The following ATP8B4 variants were observed in gnomAD, a reference collection of about 807,000 sequenced individuals.
ATP8B4 encodes the protein probable phospholipid-transporting ATPase IM.
A neutral mutation model predicts 145.6 loss-of-function variants in ATP8B4; 133 were observed. The ratio of observed to expected loss-of-function variants is 0.91; its 90% CI spans 0.79 to 1.05. ATP8B4 has a LOEUF of 1.05. Ranked by LOEUF, ATP8B4 falls within the 50% of genes least tolerant of loss-of-function variation. ATP8B4 has a pLI of 0.00. For synonymous variants in ATP8B4, 507 were observed against 492.9 expected (o/e 1.03, Z -0.38); for missense variants, 1,458 against 1,425.2 (o/e 1.02, Z -0.37).
chr15:50,026,985 C>T (rs1272956520), intron 6 of ATP8B4, among the ~76,000 whole-genome samples: 1 of 152,094 alleles, frequency 6.6e-6, no homozygotes, highest in East Asian at 1.9e-4. Flanking sequence ...ACCTAGTAAT[C>T]CTCTATGGCC....
chr15:50,135,890 A>G (rs1482381396), intron 1 of ATP8B4, among the ~76,000 whole-genome samples: 1 of 152,218 alleles, frequency 6.6e-6, no homozygotes, highest in African/African-American at 2.4e-5. Flanking sequence ...TGGTAAACTC[A>G]TATCTCCCCA....
At position 49,931,154 on chromosome 15, in the gene ATP8B4, T is replaced by C. The variant is rs1486715515; in HGVS notation, c.1607A>G (p.Asp536Gly). 2.5e-6 allele frequency: 4 copies of C among 1,612,014 alleles called. No homozygotes were observed. Among genetic ancestry groups the C allele is most frequent in the Non-Finnish European group, 3.4e-6 (4 of 1,178,740 alleles). ...CATCCTTTTTCTGGTGTTGTTGAAA[T>C]CCAAAAAGGCAAGTAATTGATAAGT... Reference protein sequence around the residue: ...LVTYQLLAFLDFNNTRKRMSV... With the variant: ...LVTYQLLAFLGFNNTRKRMSV... The change falls in exon 16 of 28, where the codon GAT becomes GGT. Residue 536 changes from aspartate to glycine, a missense_variant. By Grantham distance (94) the Asp-to-Gly change is moderately conservative (BLOSUM62 -1). Coordinates refer to ENST00000284509, the MANE Select transcript of ATP8B4 (RefSeq NM_024837.4).
At chr15:49,932,966 T>C (rs1373219540) in intron 15 of ATP8B4, among the ~76,000 whole-genome samples, 2 of 152,050 alleles carry the variant, frequency 1.3e-5, no homozygotes, top group East Asian at 1.9e-4. Flanking sequence ...TCATGTAAAC[T>C]TGCATTCTGA....
chr15:49,978,646 T>A (rs1410234463), intron 12 of ATP8B4, among the ~76,000 whole-genome samples: 1 of 152,088 alleles, frequency 6.6e-6, no homozygotes, highest in Non-Finnish European at 1.5e-5. Context: ...TTAGCTCCAA[T>A]GTTTTGGGGA....
At chr15:50,158,085 G>C (rs1246565959) in intron 1 of ATP8B4, among the ~76,000 whole-genome samples, 1 of 152,218 alleles carries the variant, frequency 6.6e-6, no homozygotes, top group Non-Finnish European at 1.5e-5. Flanking sequence ...GGAGTGCAGT[G>C]GCGTGATCTC....
intron 2 of ATP8B4, among the ~76,000 whole-genome samples, chr15:50,083,368 T>A (rs959948856): frequency 1.3e-5 from 2 of 152,182 alleles, no homozygotes; most frequent in Admixed American, 1.3e-4. Flanking sequence ...AAAAATGCAT[T>A]TTTATGGACT....
intron 1 of ATP8B4, among the ~76,000 whole-genome samples, chr15:50,166,776 T>C (rs565753095): frequency 6.6e-6 from 1 of 152,148 alleles, no homozygotes. Context: ...GCAGAAAGAT[T>C]TGCAGGGAGA....
intron 23 of ATP8B4, among the ~76,000 whole-genome samples, chr15:49,892,064 C>T (rs1368288045): frequency 5.4e-5 from 8 of 148,696 alleles, no homozygotes; most frequent in African/African-American, 1.5e-4. Flanking sequence ...TGCAGTGAGC[C>T]GAGATCACAC....
intron 3 of ATP8B4, among the ~76,000 whole-genome samples, chr15:50,054,394 G>C (rs2052423580): frequency 6.6e-6 from 1 of 152,190 alleles, no homozygotes; most frequent in Non-Finnish European, 1.5e-5. Context: ...CAGAAAGCTA[G>C]AAACATTAAT....
chr15:50,089,070 G>A lies in ATP8B4; in HGVS notation c.29-14885C>T, dbSNP rs143573616. Among the ~76,000 whole-genome samples the A allele has an allele frequency of 2.5e-4, 38 of 152,286 alleles. No individual in the cohort carries two copies. The East Asian group carries it at 6.9e-3, about 28-fold the overall frequency. ...TAAAGGGTGCTAGGAGAACTGGCTA[G>A]CCATATGCAGAAGATTGAAACTGGA... On this transcript the variant is annotated intron_variant, in intron 2 of 27. Transcript: ENST00000284509.
intron 10 of ATP8B4, among the ~76,000 whole-genome samples, chr15:49,982,914 T>G (rs996404248): frequency 2.0e-5 from 3 of 152,162 alleles, no homozygotes; most frequent in African/African-American, 7.2e-5. Context: ...CTGTTGACTA[T>G]TCCATCCTTT....
rs370793369 is a variant in ATP8B4, at chr15:49,882,545, G to C, written c.2698-3086C>G. Among the ~76,000 whole-genome samples the C allele has an allele frequency of 9.9e-5, 15 of 152,228 alleles. No individual in the cohort carries two copies. In the East Asian group the frequency reaches 2.9e-3, roughly 29 times the overall value. Reference sequence around the variant, plus strand: ...TGTATCGATATAACAGAATACTATAGAATAATGAAAAGCAAAGAATTATAA... The same window carrying C: ...TGTATCGATATAACAGAATACTATACAATAATGAAAAGCAAAGAATTATAA... On this transcript the variant is annotated intron_variant, in intron 23 of 27. Transcript: ENST00000284509.
chr15:50,140,911 G>T (rs1248929179), intron 1 of ATP8B4, among the ~76,000 whole-genome samples: 1 of 152,118 alleles, frequency 6.6e-6, no homozygotes, highest in Non-Finnish European at 1.5e-5. Context: ...GCAACTTTGG[G>T]AAGCACTAAC....
chr15:49,999,277 C>T (rs979623380), intron 8 of ATP8B4, among the ~76,000 whole-genome samples: 106 of 150,514 alleles, frequency 7.0e-4, no homozygotes, highest in African/African-American at 4.9e-5. Flanking sequence ...AGTAAACTAT[C>T]GCAAGAACAA....
chr15:49,963,835 A>T (rs1365578471), intron 13 of ATP8B4, among the ~76,000 whole-genome samples: 1 of 152,118 alleles, frequency 6.6e-6, no homozygotes, highest in Non-Finnish European at 1.5e-5. Flanking sequence ...CTGTCTAGGA[A>T]ACCACCATGG....
chr15:50,038,147 A>G (rs1715613272), intron 6 of ATP8B4, among the ~76,000 whole-genome samples: 1 of 145,062 alleles, frequency 6.9e-6, no homozygotes, highest in Non-Finnish European at 1.5e-5. Context: ...AAATGATGGA[A>G]AGAAGTTTTA....
In ATP8B4 at chr15:49,979,776, G is replaced by C. The variant is rs148834131; in HGVS notation, c.875C>G (p.Ala292Gly). The change falls in exon 12 of 28, where the codon GCA (alanine) becomes GGA (glycine). Residue 292 changes from alanine (A) to glycine (G), a missense_variant. Ala to Gly is a moderately conservative substitution (Grantham distance 60). Coordinates refer to ENST00000284509, the MANE Select transcript of ATP8B4 (RefSeq NM_024837.4). ...ACTCTCCCAGATTGAATTTCCTATT[G>C]CAAGAATAATTCCCAAGCATATCAG... ...GFLICLGIILAIGNSIWESQT... is the reference protein window; with the variant it reads ...GFLICLGIILGIGNSIWESQT... 1 of 1,606,472 alleles carries C rather than the reference G, an allele frequency of 6.2e-7. No individual in the cohort carries two copies. The highest frequency in any genetic ancestry group is 8.5e-7 in the Non-Finnish European group (1 of 1,175,500).
At chr15:49,985,892 A>C (rs2046562546) in intron 10 of ATP8B4, among the ~76,000 whole-genome samples, 1 of 152,162 alleles carries the variant, frequency 6.6e-6, no homozygotes, top group South Asian at 2.1e-4. Flanking sequence ...CAGCAGAAAA[A>C]AAGTAAAGCT....
chr15:50,173,062 C>T (rs1242125847), intron 1 of ATP8B4, among the ~76,000 whole-genome samples: 2 of 149,486 alleles, frequency 1.3e-5, no homozygotes, highest in African/African-American at 4.9e-5. Context: ...GGCCAGCCTC[C>T]CCATCCGGGA....
Sources: gnomAD v4.1 joint callset for allele counts (sites outside exome capture counted in the v4.1 genomes callset) on GRCh38, gnomAD v4.1.1 for gene constraint, MANE v1.5 for transcripts, NCBI Gene and HGNC (gene_info 2026-07-23, HGNC 2026-07-21) for gene names.